Variants in PTCHD4 observed in about 807,000 individuals in gnomAD.
PTCHD4 encodes the protein patched domain-containing protein 4.
A neutral mutation model predicts 58.1 loss-of-function variants in PTCHD4; 33 were observed. The observed-to-expected ratio is 0.57, with a 90% CI of 0.43 to 0.76. PTCHD4 has a LOEUF of 0.76. Among genes scored for constraint, PTCHD4 ranks in the 30% least tolerant of loss-of-function variants. The pLI is 0.00. For missense variants in PTCHD4, 1,058 were observed against 1,027.1 expected (o/e 1.03, Z -0.41); for synonymous variants, 478 against 409.6 (o/e 1.17, Z -2.02).
intron 4 of PTCHD4, among the ~76,000 whole-genome samples, chr6:47,927,634 A>C (rs1168761288): frequency 2.0e-5 from 3 of 152,164 alleles, no homozygotes; most frequent in African/African-American, 7.2e-5. Flanking sequence ...CTCTAATTCC[A>C]TACATACAAT....
rs554860271 is a variant in PTCHD4, at chr6:48,000,247, C to T, written c.898+8387G>A. 3.3e-5 allele frequency among the ~76,000 whole-genome samples: 5 copies of T among 152,228 alleles called. No homozygotes were observed. The South Asian group carries it at 6.2e-4, about 19-fold the overall frequency. On this transcript the variant is annotated intron_variant, in intron 4 of 4. Transcript: ENST00000339488. Reference sequence around the variant, plus strand: ...CTTTGTTATGTTAACATGATCAAGGCATTATTTGTTATTACAGCATAGTCT... The same window carrying T: ...CTTTGTTATGTTAACATGATCAAGGTATTATTTGTTATTACAGCATAGTCT...
chr6:47,992,080 C>T (rs1228089728), intron 4 of PTCHD4, among the ~76,000 whole-genome samples: 1 of 151,982 alleles, frequency 6.6e-6, no homozygotes, highest in African/African-American at 2.4e-5. Context: ...ATTTACCAGA[C>T]ACATATGGAA....
At chr6:47,964,231 A>G (rs1300055741) in intron 4 of PTCHD4, among the ~76,000 whole-genome samples, 7 of 152,348 alleles carry the variant, frequency 4.6e-5, no homozygotes, top group Non-Finnish European at 8.8e-5. Context: ...GAGATCTGCC[A>G]TACAATATAT....
chr6:47,884,073 C>T (rs898987534), intron 4 of PTCHD4, among the ~76,000 whole-genome samples: 2 of 151,728 alleles, frequency 1.3e-5, no homozygotes, highest in Non-Finnish European at 2.9e-5. Context: ...GTTTATTTAT[C>T]TTCCAAGCTT....
At chr6:47,986,879 A>G (rs964195160) in intron 4 of PTCHD4, among the ~76,000 whole-genome samples, 5 of 152,184 alleles carry the variant, frequency 3.3e-5, no homozygotes, top group African/African-American at 1.2e-4. Flanking sequence ...TGCCACTGCC[A>G]GGGGAAATAC....
chr6:47,881,398 GT>G (rs1227922064), intron 4 of PTCHD4, among the ~76,000 whole-genome samples: 5 of 152,136 alleles, frequency 3.3e-5, no homozygotes, highest in Non-Finnish European at 7.4e-5. Context: ...ATGTGACATA[GT>G]TCTGGACAAT....
At chr6:47,954,237 ATC>A (rs1766764820) in intron 4 of PTCHD4, among the ~76,000 whole-genome samples, 1 of 152,118 alleles carries the variant, frequency 6.6e-6, no homozygotes, top group African/African-American at 2.4e-5. Flanking sequence ...CACATCTGTA[ATC>A]CCAGCTACTC....
chr6:48,002,706 A>G (rs113037651), intron 4 of PTCHD4, among the ~76,000 whole-genome samples: 19 of 152,026 alleles, frequency 1.2e-4, no homozygotes, highest in African/African-American at 4.3e-4. Context: ...ACATGTATAT[A>G]TATGTAACAA....
At chr6:47,894,947 C>T (rs1210964960) in intron 4 of PTCHD4, among the ~76,000 whole-genome samples, 2 of 152,128 alleles carry the variant, frequency 1.3e-5, no homozygotes, top group African/African-American at 4.8e-5. Flanking sequence ...CCCTGGCCAA[C>T]ATGGTGAAAC....
In PTCHD4 at chr6:47,874,831, G is replaced by T. The variant is rs968680308; in HGVS notation, c.*3472C>A. On this transcript the variant is annotated 3_prime_UTR_variant, in exon 5 of 5. Coordinates refer to ENST00000339488, the MANE Select transcript of PTCHD4 (RefSeq NM_001384253.1). ...TAGTAACTGCAAGAATTCCTGGGAA[G>T]ACATCTAAACATGACTTTCATTAAA... is the stretch of plus-strand genomic sequence containing the variant. Among the ~76,000 whole-genome samples, 3 of 151,800 alleles carry T rather than the reference G, an allele frequency of 2.0e-5. No individual in the cohort carries two copies. Among genetic ancestry groups the T allele is most frequent in the Admixed American group, 2.0e-4 (3 of 15,218 alleles).
At chr6:47,946,063 A>G (rs1257792160) in intron 4 of PTCHD4, among the ~76,000 whole-genome samples, 3 of 152,042 alleles carry the variant, frequency 2.0e-5, no homozygotes, top group Non-Finnish European at 2.9e-5. Flanking sequence ...CATTGATGTT[A>G]GAGAATGTGG....
intron 1 of PTCHD4, among the ~76,000 whole-genome samples, chr6:48,097,335 G>A (rs74450097): frequency 0.16 from 24,120 of 152,092 alleles, 2,468 homozygotes; most frequent in Non-Finnish European, 0.22. Flanking sequence ...ACAGTTTTAT[G>A]TCACTTAGTT....
chr6:47,983,176 A>G (rs572240901), intron 4 of PTCHD4, among the ~76,000 whole-genome samples: 1 of 152,324 alleles, frequency 6.6e-6, no homozygotes, highest in African/African-American at 2.4e-5. Context: ...GAAGAAAACT[A>G]TGTTGGAGAT....
rs183258177 is a variant in PTCHD4 at position 47,866,434 on chromosome 6, T to C, written c.*11869A>G. Among the ~76,000 whole-genome samples the C allele has an allele frequency of 9.7e-4, 148 of 151,950 alleles. 2 individuals carry two copies. Among genetic ancestry groups the C allele is most frequent in the Middle Eastern group, 6.8e-3 (2 of 294 alleles). ...AAGTACAGCAAATTTTGAGAACCACTAGCTTTGTTACTCCTAGGGTTATCC... is the reference window on the plus strand; with the variant it reads ...AAGTACAGCAAATTTTGAGAACCACCAGCTTTGTTACTCCTAGGGTTATCC... On this transcript the variant is annotated 3_prime_UTR_variant, in exon 5 of 5. Transcript: ENST00000339488.
At chr6:47,990,886 C>G (rs552776640) in intron 4 of PTCHD4, among the ~76,000 whole-genome samples, 58 of 151,946 alleles carry the variant, frequency 3.8e-4, no homozygotes, top group African/African-American at 1.4e-3. Context: ...ATATGTTTAG[C>G]TACATATTCA....
At position 47,868,032 on chromosome 6, in the gene PTCHD4, A is replaced by G. The variant is rs779219134; in HGVS notation, c.*10271T>C. ...TAACAAACTTTTTGGAGACTTAGAT[A>G]TGTCAGGGTTTTTCTGAAACTTTCC... On this transcript the variant is annotated 3_prime_UTR_variant, in exon 5 of 5. Transcript: ENST00000339488. Among the ~76,000 whole-genome samples the G allele has an allele frequency of 5.9e-5, 9 of 151,752 alleles. No individual in the cohort carries two copies. Among genetic ancestry groups the G allele is most frequent in the African/African-American group, 1.4e-4 (6 of 41,400 alleles).
intron 4 of PTCHD4, among the ~76,000 whole-genome samples, chr6:47,896,514 A>G (rs1764535456): frequency 6.6e-6 from 1 of 152,252 alleles, no homozygotes; most frequent in Non-Finnish European, 1.5e-5. Context: ...ATGTTACTAC[A>G]TGGAAATGTA....
rs756510352 is a variant in PTCHD4 at position 48,068,336 on chromosome 6, G to A, written c.311C>T (p.Thr104Ile). The A allele has an allele frequency of 1.2e-6, 2 of 1,613,998 alleles. No homozygotes were observed. The highest frequency in any genetic ancestry group is 4.5e-5 in the East Asian group (2 of 44,852). ...SKSQLYSDLHTPGRYGRVILL... is the reference protein window; with the variant it reads ...SKSQLYSDLHIPGRYGRVILL... ...GATCACCCTGCCATACCTCCCAGGG[G>A]TGTGTAAGTCCGAATAGAGCTGGCT... Residue 104 changes from threonine to isoleucine, a missense_variant, in exon 3 of 5, where the codon ACC (threonine) becomes ATC (isoleucine). By Grantham distance (89) the Thr-to-Ile change is moderately conservative. Coordinates refer to ENST00000339488, the MANE Select transcript of PTCHD4 (RefSeq NM_001384253.1). This position sits in a 1 kb window ranked among gnomAD's most constrained non-coding sequence, Gnocchi z 4.2.
rs775909388 is a variant in PTCHD4 at position 47,878,564 on chromosome 6, C to A, written c.2271G>T (p.Leu757Phe). 1 of 1,613,392 alleles carries A rather than the reference C, an allele frequency of 6.2e-7. No individual in the cohort carries two copies. Among genetic ancestry groups the A allele is most frequent in the Non-Finnish European group, 8.5e-7 (1 of 1,179,742 alleles). The change falls in exon 5 of 5, where the codon TTG (leucine) becomes TTT (phenylalanine). Residue 757 changes from leucine to phenylalanine, a missense_variant. Leu to Phe is a conservative substitution (Grantham distance 22). Coordinates refer to ENST00000339488, the MANE Select transcript of PTCHD4 (RefSeq NM_001384253.1). ...SSLQDHGTAI[L>F]QNVTSFLIGL... ...CAATAAGAAAAGAAGTAACATTTTG[C>A]AAAATGGCTGTCCCATGGTCTTGCA...
Sources: allele counts gnomAD v4.1 joint callset (sites outside exome capture counted in the v4.1 genomes callset), GRCh38; gene constraint gnomAD v4.1.1; non-coding constraint Gnocchi (gnomAD v3.1); transcripts MANE v1.5; gene names NCBI Gene and HGNC (gene_info 2026-07-23, HGNC 2026-07-21).